The following RFX7 variants were observed in gnomAD, a reference collection of about 807,000 sequenced individuals.
RFX7 encodes the protein regulatory factor X7, also known as DNA-binding protein RFX7.
RFX7 carries 26 observed loss-of-function variants against 111.8 expected under a neutral mutation model. The observed-to-expected ratio is 0.23, with a 90% confidence interval of 0.17 to 0.32. The LOEUF is 0.32. Ranked by LOEUF, RFX7 falls within the 10% of genes least tolerant of loss-of-function variation. The pLI, the probability that RFX7 is intolerant of heterozygous loss-of-function variation, is 1.00. For synonymous variants in RFX7, 624 were observed against 624.4 expected, an observed-to-expected ratio of 1.00 and a Z score of 0.01; for missense variants, 1,573 against 1,772.9, an observed-to-expected ratio of 0.89 and a Z score of 2.02.
At chr15:56,240,119 TA>T (rs757301605) in intron 2 of RFX7, among the ~76,000 whole-genome samples, 3 of 142,664 alleles carry the variant, frequency 2.1e-5, no homozygotes, top group Admixed American at 7.2e-5. Flanking sequence ...TTTTTTTTTT[TA>T]ACAACAAAAA....
At chr15:56,185,183 A>C (rs566275997) in intron 2 of RFX7, among the ~76,000 whole-genome samples, 2 of 152,174 alleles carry the variant, frequency 1.3e-5, no homozygotes, top group Non-Finnish European at 2.9e-5. Context: ...ATTTACTTTT[A>C]AATATTTTGT....
At chr15:56,206,616 AG>A (rs1446281012) in intron 2 of RFX7, among the ~76,000 whole-genome samples, 2 of 152,210 alleles carry the variant, frequency 1.3e-5, no homozygotes. Context: ...GTCCATCAAC[AG>A]ATGAATGGAT....
At chr15:56,209,158 G>A (rs943740528) in intron 2 of RFX7, among the ~76,000 whole-genome samples, 1 of 151,772 alleles carries the variant, frequency 6.6e-6, no homozygotes, top group South Asian at 2.1e-4. Flanking sequence ...ATCAAAGATA[G>A]AGAAAAAATC....
intron 2 of RFX7, 26 bp downstream of exon 2, chr15:56,243,099 A>G: frequency 7.4e-7 from 1 of 1,352,956 alleles, no homozygotes; most frequent in Non-Finnish European, 9.8e-7. Flanking sequence ...GGGCTTTTTC[A>G]CGCGAGCGAT....
At chr15:56,169,700 C>CTTTTTTTT (rs35597885) in intron 3 of RFX7, among the ~76,000 whole-genome samples, 10 of 96,866 alleles carry the variant, frequency 1.0e-4, no homozygotes, top group Admixed American at 2.4e-4. Flanking sequence ...CTAGTCAGTT[C>CTTTTTTTT]TTTTTTTTTT....
At chr15:56,225,879 T>C (rs2043477747) in intron 2 of RFX7, among the ~76,000 whole-genome samples, 1 of 152,108 alleles carries the variant, frequency 6.6e-6, no homozygotes, top group Admixed American at 6.6e-5. Context: ...AACAACCTAA[T>C]AAAAAGCTGT....
chr15:56,113,935 GC>G, intron 5 of RFX7, among the ~76,000 whole-genome samples: 1 of 152,114 alleles, frequency 6.6e-6, no homozygotes, highest in Non-Finnish European at 1.5e-5. Flanking sequence ...CAAAACATTT[GC>G]TAGACAATCT....
chr15:56,153,242 G>C (rs1335982854), intron 3 of RFX7, among the ~76,000 whole-genome samples: 1 of 152,126 alleles, frequency 6.6e-6, no homozygotes, highest in East Asian at 1.9e-4. Context: ...CCAAAACCTG[G>C]CAGAGACACA....
chr15:56,104,645 G>C lies in RFX7; in HGVS notation c.402-975C>G, dbSNP rs534953526. ...AATGTCCTGATAACATCCCTAAAGT[G>C]ACCTTAGCTCAAGAAGTTAAGTTGG... On this transcript the variant is annotated intron_variant, in intron 5 of 9. Transcript: ENST00000559447. 3.3e-5 allele frequency among the ~76,000 whole-genome samples: 5 copies of C among 152,322 alleles called. No individual in the cohort carries two copies. In the South Asian group the frequency reaches 1.0e-3, roughly 32 times the overall value.
intron 2 of RFX7, among the ~76,000 whole-genome samples, chr15:56,241,616 G>C (rs1230600554): frequency 1.3e-5 from 2 of 152,040 alleles, no homozygotes; most frequent in Non-Finnish European, 2.9e-5. Flanking sequence ...CACTGGTTTT[G>C]TGAAAACCTT....
intron 2 of RFX7, among the ~76,000 whole-genome samples, chr15:56,231,836 A>G (rs11631865): frequency 0.13 from 19,760 of 152,182 alleles, 1,667 homozygotes; most frequent in East Asian, 0.44. Flanking sequence ...CAGGCATTGG[A>G]TAAATACTAC....
chr15:56,162,249 T>C (rs912331973), intron 3 of RFX7, among the ~76,000 whole-genome samples: 2 of 152,208 alleles, frequency 1.3e-5, no homozygotes, highest in East Asian at 1.9e-4. Flanking sequence ...AGGTAGGCCA[T>C]TGAGAGGAAA....
intron 2 of RFX7, among the ~76,000 whole-genome samples, chr15:56,198,300 G>A (rs2043164156): frequency 6.6e-6 from 1 of 152,036 alleles, no homozygotes. Context: ...AAAAAAGAAT[G>A]GGACCTAGAA....
chr15:56,217,502 G>C (rs541545350), intron 2 of RFX7, among the ~76,000 whole-genome samples: 1 of 150,604 alleles, frequency 6.6e-6, no homozygotes, highest in Non-Finnish European at 1.5e-5. Context: ...CTGAATTTGT[G>C]TGATTGCTTT....
chr15:56,122,683 C>T (rs1358432441), intron 5 of RFX7, among the ~76,000 whole-genome samples: 1 of 152,144 alleles, frequency 6.6e-6, no homozygotes, highest in African/African-American at 2.4e-5. Context: ...GATTTGGATC[C>T]AGAAACCTTA....
At chr15:56,097,160 A>G (rs2041690442) in intron 9 of RFX7, among the ~76,000 whole-genome samples, 1 of 152,240 alleles carries the variant, frequency 6.6e-6, no homozygotes, top group Non-Finnish European at 1.5e-5. Flanking sequence ...AATAGGAACA[A>G]GAAAAACGAC....
intron 3 of RFX7, among the ~76,000 whole-genome samples, chr15:56,168,875 A>C (rs1019251307): frequency 8.5e-5 from 13 of 152,192 alleles, no homozygotes; most frequent in Non-Finnish European, 1.3e-4. Flanking sequence ...ACACAACAAA[A>C]GATAACATAG....
Position 56,094,805 on chromosome 15 carries a change from G to A in RFX7, c.2923C>T (p.Leu975=). 6.3e-7 allele frequency: 1 copy of A among 1,593,032 alleles called. No individual in the cohort carries two copies. Among genetic ancestry groups the A allele is most frequent in the Non-Finnish European group, 8.6e-7 (1 of 1,169,058 alleles). Residue 975 remains leucine (L), a synonymous_variant, in exon 10 of 10, where the codon CTG becomes TTG. Coordinates refer to ENST00000559447, the MANE Select transcript of RFX7 (RefSeq NM_022841.7). ...CTGGAGCAAGGGCTCTCCCGTGACA[G>A]ACTCTGAGATCCAGCAATCATTTCA... The part of the protein sequence containing the change: ...TSEMIAGSQS[L]SRESPCSRLA...
Position 56,093,306 on chromosome 15 carries a change from GT to G in RFX7, c.*38del, listed in dbSNP as rs773737838. On this transcript the variant is annotated 3_prime_UTR_variant, in exon 10 of 10. Coordinates refer to ENST00000559447, the MANE Select transcript of RFX7 (RefSeq NM_022841.7). ...CCATTAAGACAAATACAATACATAT[GT>G]CTTTAGATACAGTGTGCTACATGTT... 37 of 1,505,262 alleles carry G rather than the reference GT, an allele frequency of 2.5e-5. No homozygotes were observed. The highest frequency in any genetic ancestry group is 3.1e-5 in the Non-Finnish European group (34 of 1,113,534). The allele number at this position is 1,505,262 out of a possible 1,614,324, so 93.2% of individuals were successfully genotyped here.
Sources: allele counts gnomAD v4.1 joint callset (sites outside exome capture counted in the v4.1 genomes callset), GRCh38; gene constraint gnomAD v4.1.1; transcripts MANE v1.5; gene names NCBI Gene and HGNC (gene_info 2026-07-23, HGNC 2026-07-21).